COMMD10: variants seen among roughly 807,000 people sequenced by gnomAD.
The protein encoded by COMMD10 is COMM domain containing 10, also known as COMM domain-containing protein 10.
COMMD10 carries 33 observed loss-of-function variants against 28.9 expected under a neutral mutation model. The observed-to-expected ratio is 1.14, with a 90% CI of 0.87 to 1.53. The LOEUF is 1.53. COMMD10 is among the 40% of genes most tolerant of loss of function. The pLI is 0.00. For synonymous variants in COMMD10, 110 were observed against 81.7 expected (o/e 1.35, Z -1.87); for missense variants, 310 against 233.4 (o/e 1.33, Z -2.14).
At chr5:116,209,088 T>C (rs1330241333) in intron 5 of COMMD10, among the ~76,000 whole-genome samples, 1 of 152,108 alleles carries the variant, frequency 6.6e-6, no homozygotes, top group Non-Finnish European at 1.5e-5. Flanking sequence ...AGTCTTACCC[T>C]AAAGCCTTTT....
intron 4 of COMMD10, among the ~76,000 whole-genome samples, chr5:116,131,063 T>C (rs1751846804): frequency 6.6e-6 from 1 of 151,900 alleles, no homozygotes; most frequent in Non-Finnish European, 1.5e-5. Context: ...AATATACTGA[T>C]TGGACAGAAC....
chr5:116,169,476 C>T (rs530434173), intron 5 of COMMD10, among the ~76,000 whole-genome samples: 2 of 152,244 alleles, frequency 1.3e-5, no homozygotes, highest in Admixed American at 1.3e-4. Flanking sequence ...GGGACTCCTC[C>T]CTAATTCATT....
chr5:116,116,345 T>G (rs1392663223), intron 4 of COMMD10, among the ~76,000 whole-genome samples: 1 of 152,220 alleles, frequency 6.6e-6, no homozygotes, highest in Admixed American at 6.5e-5. Context: ...TTCATTTCTT[T>G]TGGCATTCTA....
chr5:116,291,486 A>G (rs774410872), intron 5 of COMMD10, 31 bp from the exon 6 acceptor site: 2 of 1,484,848 alleles, frequency 1.3e-6, no homozygotes, highest in Non-Finnish European at 1.9e-6. Flanking sequence ...GTGTGCAACT[A>G]CATTCTTTTT....
rs765803405 is a variant in COMMD10, at chr5:116,092,674, C to T, written c.373C>T (p.Arg125Trp). The change falls in exon 4 of 7, where the codon CGG becomes TGG. Residue 125 changes from arginine (R) to tryptophan (W), a missense_variant. Arg to Trp is a moderately radical substitution (Grantham distance 101). Transcript: ENST00000274458. ...SMGQETVEKFRQRILAPCKLE... is the reference protein window; with the variant it reads ...SMGQETVEKFWQRILAPCKLE... The stretch of plus-strand genomic sequence containing the variant: ...GGGTCAAGAAACAGTTGAAAAGTTC[C>T]GGCAGAGAATTCTGGCTCCCTGTAA... 2.8e-5 allele frequency: 45 copies of T among 1,606,790 alleles called. 1 individual carries two copies. Among genetic ancestry groups the T allele is most frequent in the South Asian group, 2.5e-4 (22 of 89,502 alleles).
chr5:116,095,621 A>G (rs940768327), intron 4 of COMMD10, among the ~76,000 whole-genome samples: 17 of 152,076 alleles, frequency 1.1e-4, no homozygotes, highest in Non-Finnish European at 2.5e-4. Flanking sequence ...GAACAGAACC[A>G]TTAACTTTGA....
chr5:116,154,460 AC>A (rs1251248739), intron 5 of COMMD10, among the ~76,000 whole-genome samples: 1 of 152,114 alleles, frequency 6.6e-6, no homozygotes, highest in Non-Finnish European at 1.5e-5. Flanking sequence ...GTGTTAGTTG[AC>A]AAAGGGCAAA....
At chr5:116,110,005 G>T (rs1750990870) in intron 4 of COMMD10, among the ~76,000 whole-genome samples, 2 of 152,164 alleles carry the variant, frequency 1.3e-5, no homozygotes, top group African/African-American at 2.4e-5. Context: ...TTGTCTGTGG[G>T]CTTGTCATAT....
intron 5 of COMMD10, among the ~76,000 whole-genome samples, chr5:116,181,107 G>T (rs1445043117): frequency 6.6e-6 from 1 of 152,050 alleles, no homozygotes; most frequent in African/African-American, 2.4e-5. Context: ...TTGTGCCACT[G>T]TACTTCAGCC....
In COMMD10 at chr5:116,263,116, G is replaced by A. The variant is rs555459571; in HGVS notation, c.511-28401G>A. On this transcript the variant is annotated intron_variant, in intron 5 of 6. Coordinates refer to ENST00000274458, the MANE Select transcript of COMMD10 (RefSeq NM_016144.4). ...GTAGAAGTTCTTCACGAATATATAA[G>A]CCGTTTTTACTTACACATATATTTT... 1.6e-4 allele frequency among the ~76,000 whole-genome samples: 24 copies of A among 151,798 alleles called. No individual in the cohort carries two copies. The South Asian group carries it at 4.8e-3, about 30-fold the overall frequency.
chr5:116,235,563 A>G (rs1749640433), intron 5 of COMMD10, among the ~76,000 whole-genome samples: 1 of 152,188 alleles, frequency 6.6e-6, no homozygotes, highest in African/African-American at 2.4e-5. Context: ...ATACAATTTC[A>G]GAGTTCTTGA....
chr5:116,126,935 T>G (rs1397508366), intron 4 of COMMD10, among the ~76,000 whole-genome samples: 1 of 152,118 alleles, frequency 6.6e-6, no homozygotes, highest in African/African-American at 2.4e-5. Flanking sequence ...GGGATCTAAT[T>G]AAACTAAAGA....
chr5:116,112,561 C>T (rs1165244920), intron 4 of COMMD10, among the ~76,000 whole-genome samples: 3 of 152,062 alleles, frequency 2.0e-5, no homozygotes, highest in African/African-American at 7.2e-5. Context: ...CCACCATGCA[C>T]AGCTAATTTT....
rs535296227 is a variant in COMMD10 at position 116,124,352 on chromosome 5, G to T, written c.400-9716G>T. On this transcript the variant is annotated intron_variant, in intron 4 of 6. Coordinates refer to ENST00000274458, the MANE Select transcript of COMMD10 (RefSeq NM_016144.4). ...CCCAGTAGTCATTCAGGAGCAGATT[G>T]TTCAGTTTCCATGTACTTATGCAGT... Among the ~76,000 whole-genome samples, 5 of 152,290 alleles carry T rather than the reference G, an allele frequency of 3.3e-5. No individual in the cohort carries two copies. In the South Asian group the frequency reaches 8.3e-4, roughly 25 times the overall value.
intron 5 of COMMD10, among the ~76,000 whole-genome samples, chr5:116,201,396 T>C (rs1328563919): frequency 1.3e-5 from 2 of 152,156 alleles, no homozygotes; most frequent in Non-Finnish European, 2.9e-5. Context: ...CCCTGCATTT[T>C]TCAGTTTTTA....
chr5:116,149,355 C>A (rs1752440259), intron 5 of COMMD10, among the ~76,000 whole-genome samples: 1 of 141,790 alleles, frequency 7.1e-6, no homozygotes, highest in African/African-American at 2.8e-5. Context: ...ATTTATAGTC[C>A]TTTGGGTATA....
intron 5 of COMMD10, among the ~76,000 whole-genome samples, chr5:116,152,413 A>G (rs1056932290): frequency 2.2e-4 from 33 of 152,072 alleles, no homozygotes; most frequent in Non-Finnish European, 5.9e-5. Flanking sequence ...CCACAGGGAT[A>G]GTATGGCAGT....
chr5:116,176,735 C>T (rs774906587), intron 5 of COMMD10, among the ~76,000 whole-genome samples: 3 of 152,000 alleles, frequency 2.0e-5, no homozygotes, highest in African/African-American at 4.8e-5. Context: ...TATTGATTCT[C>T]ATGTTATTTC....
At chr5:116,214,113 T>A (rs1277960894) in intron 5 of COMMD10, among the ~76,000 whole-genome samples, 2 of 152,156 alleles carry the variant, frequency 1.3e-5, no homozygotes, top group Non-Finnish European at 2.9e-5. Flanking sequence ...TGAATTGGAC[T>A]TGAGAGGCAA....
Sources: gnomAD v4.1 joint callset for allele counts (sites outside exome capture counted in the v4.1 genomes callset) on GRCh38, gnomAD v4.1.1 for gene constraint, MANE v1.5 for transcripts, NCBI Gene and HGNC (gene_info 2026-07-23, HGNC 2026-07-21) for gene names.